Variants in RNF213 observed in about 807,000 individuals in gnomAD.
RNF213 encodes ring finger protein 213.
In RNF213, 341 loss-of-function variants were observed where a neutral mutation model predicts 514.4. That is an observed-to-expected ratio of 0.66 (90% CI 0.61 to 0.73). The LOEUF (loss-of-function observed/expected upper bound fraction) is 0.73, where lower values mean the gene tolerates loss of function less well. Among genes scored for constraint, RNF213 ranks in the 30% least tolerant of loss-of-function variants. The pLI is 0.00. For missense variants in RNF213, 5,767 were observed against 6,615.6 expected (o/e 0.87, Z 4.45); for synonymous variants, 2,655 against 2,658.2 (o/e 1.00, Z 0.04).
chr17:80,383,555 G>A lies in RNF213; in HGVS notation c.14071-122G>A, dbSNP rs2080108340. The A allele has an allele frequency of 7.2e-6, 7 of 969,780 alleles. No homozygotes were observed. In the Admixed American group the frequency reaches 1.2e-4, roughly 17 times the overall value. 60.1% of individuals were successfully genotyped at this position (969,780 alleles called of 1,614,324 possible). ...GATCAAAGGGAATACCTGATTACAT[G>A]CTCAGAGCAGGGGACAAACGCCCTA... On this transcript the variant is annotated intron_variant, in intron 58 of 67. Transcript: ENST00000582970.
In RNF213 at chr17:80,345,219, G is replaced by T. The variant is rs754162143; in HGVS notation, c.6884G>T (p.Arg2295Leu). 6.2e-7 allele frequency: 1 copy of T among 1,614,072 alleles called. No individual in the cohort carries two copies. Among genetic ancestry groups the T allele is most frequent in the East Asian group, 2.2e-5 (1 of 44,878 alleles). The change falls in exon 29 of 68, where the codon CGG becomes CTG. Residue 2295 changes from arginine to leucine, a missense_variant. By Grantham distance (102) the Arg-to-Leu change is moderately radical (BLOSUM62 -2). Transcript: ENST00000582970. This position sits in a 1 kb window ranked among gnomAD's most constrained non-coding sequence, Gnocchi z 6.0. ...GAAGATCTAGCGCCCTTCTCCCTCC[G>T]GAAGAGGTGGGAGTCGGAGCCTCAC... ...REEDLAPFSL[R>L]KRWESEPHPY...
Position 80,393,398 on chromosome 17 carries a change from C to G in RNF213, c.15524C>G (p.Pro5175Arg), listed in dbSNP as rs1176831771. Residue 5175 changes from proline to arginine, a missense_variant, in exon 68 of 68, where the codon CCT (proline) becomes CGT (arginine). Transcript: ENST00000582970. ...YMQTKESEIL[P>R]EMASQFPEEI... is the part of the protein sequence containing the mutation. ...CAAACTAAAGAAAGTGAAATTCTTC[C>G]TGAAATGGCATCTCAGTTCCCAGAA... The G allele has an allele frequency of 1.2e-6, 2 of 1,614,192 alleles. No individual in the cohort carries two copies. The highest frequency in any genetic ancestry group is 1.7e-6 in the Non-Finnish European group (2 of 1,180,010).
At chr17:80,272,550 G>A (rs893697692) in intron 2 of RNF213, among the ~76,000 whole-genome samples, 6 of 152,112 alleles carry the variant, frequency 3.9e-5, no homozygotes, top group East Asian at 3.9e-4. Flanking sequence ...ACCCATGACC[G>A]CAAACGGCAC....
Position 80,313,028 on chromosome 17 carries a change from G to A in RNF213, c.2672G>A (p.Arg891Lys). ...TGACAACAGGATTCTGCAGGACAGA[G>A]AGATGAAACTGGAAATAATTCAGTC... The part of the protein sequence containing the change: ...LLSLVDSAGQ[R>K]DETGNNSVQT... The change falls in exon 15 of 68, where the codon AGA becomes AAA. Residue 891 changes from arginine to lysine, a missense_variant. Transcript: ENST00000582970. The A allele has an allele frequency of 1.2e-6, 2 of 1,613,982 alleles. No individual in the cohort carries two copies. Among genetic ancestry groups the A allele is most frequent in the Non-Finnish European group, 1.7e-6 (2 of 1,180,034 alleles).
chr17:80,363,904 G>A (rs181158605), intron 41 of RNF213, 114 bp downstream of exon 41: 20 of 1,037,812 alleles, frequency 1.9e-5, no homozygotes, highest in Non-Finnish European at 2.6e-5. Context: ...CATGGGAGGG[G>A]CTCCGTCCTC....
At chr17:80,386,206 A>T in intron 61 of RNF213, 44 bp from the exon 62 acceptor site, 1 of 1,579,326 alleles carries the variant, frequency 6.3e-7, no homozygotes, top group Non-Finnish European at 8.6e-7. Flanking sequence ...TTCTGTGAGG[A>T]GTTGGAACTC....
At chr17:80,295,188 T>G (rs2044889548) in intron 9 of RNF213, among the ~76,000 whole-genome samples, 185 bp downstream of exon 9, 1 of 152,204 alleles carries the variant, frequency 6.6e-6, no homozygotes, top group South Asian at 2.1e-4. Flanking sequence ...CTCCTTTTAC[T>G]GGTTGTAATC....
At chr17:80,376,163 A>G in intron 51 of RNF213, 138 bp from the exon 52 acceptor site, 2 of 996,350 alleles carry the variant, frequency 2.0e-6, no homozygotes, top group Non-Finnish European at 3.1e-6. Flanking sequence ...TCTTCTCTGA[A>G]AAATTTCCCC....
At position 80,345,654 on chromosome 17, in the gene RNF213, G is replaced by A. The variant is rs761027115; in HGVS notation, c.7319G>A (p.Gly2440Asp). Residue 2440 changes from glycine (G) to aspartate (D), a missense_variant, in exon 29 of 68, where the codon GGT becomes GAT. Physicochemically the swap from Gly to Asp is moderately conservative, Grantham distance 94. This residue lies in a region of RNF213 where 1,377 missense variants were observed against 1,635.2 expected (regional missense o/e 0.84). Coordinates refer to ENST00000582970, the MANE Select transcript of RNF213 (RefSeq NM_001256071.3). This position sits in a 1 kb window ranked among gnomAD's most constrained non-coding sequence, Gnocchi z 6.0. ...IKFLSDLRRGGTNADTIKLVK... is the reference protein window; with the variant it reads ...IKFLSDLRRGDTNADTIKLVK... ...TTCCTTAGCGACCTGCGGCGTGGTG[G>A]TACCAATGCTGACACCATAAAGCTG... The A allele has an allele frequency of 2.7e-5, 43 of 1,614,232 alleles. No homozygotes were observed. The East Asian group carries it at 8.7e-4, about 33-fold the overall frequency.
chr17:80,363,491 A>G (rs1382610425), intron 40 of RNF213, 118 bp from the exon 41 acceptor site: 5 of 1,292,868 alleles, frequency 3.9e-6, no homozygotes, highest in Non-Finnish European at 4.4e-6. Context: ...CATCCTAGAC[A>G]ATGAAAGTTT....
chr17:80,306,590 C>T (rs1224663628), intron 12 of RNF213, 122 bp downstream of exon 12: 5 of 991,012 alleles, frequency 5.0e-6, no homozygotes, highest in Admixed American at 2.0e-5. Context: ...CGGTGGCTCA[C>T]GCCTGAATCC....
chr17:80,397,101 A>C lies in RNF213; in HGVS notation c.*3603A>C, dbSNP rs1289741419. 6.6e-6 allele frequency: 1 copy of C among 152,450 alleles called. No homozygotes were observed. The highest frequency in any genetic ancestry group is 1.9e-4 in the East Asian group (1 of 5,180). 9.4% of individuals were successfully genotyped at this position (152,450 alleles called of 1,614,324 possible). The stretch of plus-strand genomic sequence containing the variant: ...GACAGCCACTTCCTCAGAACCCACG[A>C]TCTTTGCCCCATCGCCACAGGTCCA... On this transcript the variant is annotated 3_prime_UTR_variant, in exon 68 of 68. Coordinates refer to ENST00000582970, the MANE Select transcript of RNF213 (RefSeq NM_001256071.3).
rs762352884 is a variant in RNF213, at chr17:80,345,363, G to C, written c.7028G>C (p.Arg2343Thr). 6 of 1,614,024 alleles carry C rather than the reference G, an allele frequency of 3.7e-6. No homozygotes were observed. In the Admixed American group the frequency reaches 6.7e-5, roughly 18 times the overall value. Residue 2343 changes from arginine to threonine, a missense_variant, in exon 29 of 68, where the codon AGA (arginine) becomes ACA (threonine). Transcript: ENST00000582970. The surrounding 1 kb of genome is among the most constrained non-coding windows in gnomAD (Gnocchi z 6.0). Reference protein sequence around the residue: ...ISHLTGKVIKRDVMTRDLYQG... With the variant: ...ISHLTGKVIKTDVMTRDLYQG... ...CACTTGACTGGGAAGGTCATCAAGAGAGACGTCATGACCAGGGACCTGTAC... is the reference window on the plus strand; with the variant it reads ...CACTTGACTGGGAAGGTCATCAAGACAGACGTCATGACCAGGGACCTGTAC...
At chr17:80,331,913 A>G in intron 20 of RNF213, 93 bp from the exon 21 acceptor site, 1 of 1,415,502 alleles carries the variant, frequency 7.1e-7, no homozygotes, top group East Asian at 2.5e-5. Flanking sequence ...GAGTTCGCTC[A>G]GAGAAGTGAG....
chr17:80,392,297 C>T (rs1471797413), intron 67 of RNF213, among the ~76,000 whole-genome samples: 4 of 152,188 alleles, frequency 2.6e-5, no homozygotes, highest in Non-Finnish European at 5.9e-5. Context: ...CTGTGCTTTT[C>T]ATGTAGATAA....
At chr17:80,312,482 A>T (rs2045604916) in intron 14 of RNF213, among the ~76,000 whole-genome samples, 1 of 143,188 alleles carries the variant, frequency 7.0e-6, no homozygotes, top group Non-Finnish European at 1.5e-5. Flanking sequence ...GGGGGAGGGC[A>T]TGATGGGAGC....
In RNF213 at chr17:80,379,662, G is replaced by A; in HGVS notation, c.13588G>A (p.Ala4530Thr). The A allele has an allele frequency of 6.2e-7, 1 of 1,614,244 alleles. No homozygotes were observed. Among genetic ancestry groups the A allele is most frequent in the Non-Finnish European group, 8.5e-7 (1 of 1,180,050 alleles). Residue 4530 changes from alanine (A) to threonine (T), a missense_variant, in exon 55 of 68, where the codon GCG (alanine) becomes ACG (threonine). By Grantham distance (58) the Ala-to-Thr change is moderately conservative (BLOSUM62 0). Around this residue, in one of 13 missense-constraint regions of RNF213, gnomAD observed 1,245 missense variants for 1,339.0 expected, o/e 0.93. Coordinates refer to ENST00000582970, the MANE Select transcript of RNF213 (RefSeq NM_001256071.3). ...MEQSICIDCHAPIGGIDHKPR... is the reference protein window; with the variant it reads ...MEQSICIDCHTPIGGIDHKPR... The stretch of plus-strand genomic sequence containing the variant: ...ACAGAGCATCTGCATTGACTGCCAT[G>A]CGCCGATTGGAGGCATTGACCACAA...
In RNF213 at chr17:80,396,423, A is replaced by G. The variant is rs1221618632; in HGVS notation, c.*2925A>G. 6.6e-6 allele frequency: 1 copy of G among 152,182 alleles called. No homozygotes were observed. Among genetic ancestry groups the G allele is most frequent in the African/African-American group, 2.4e-5 (1 of 41,428 alleles). 9.4% of individuals were successfully genotyped at this position (152,182 alleles called of 1,614,324 possible). A position where few individuals can be genotyped will look rare whatever the true frequency, so the allele number is the denominator to read the frequency against. On this transcript the variant is annotated 3_prime_UTR_variant, in exon 68 of 68. Transcript: ENST00000582970. ...ATTTAGAAACAAACTTCCAGTGATA[A>G]ATATTGGGAAGAAAATGTCAGCTCA...
chr17:80,351,596 C>T (rs988370337), intron 31 of RNF213, 89 bp from the exon 32 acceptor site: 9 of 752,536 alleles, frequency 1.2e-5, no homozygotes, highest in Non-Finnish European at 2.1e-5. Flanking sequence ...CACCCTTCTG[C>T]AGCTGCACAG....
Sources: gnomAD v4.1 joint callset for allele counts (sites outside exome capture counted in the v4.1 genomes callset) on GRCh38, gnomAD v4.1.1 for gene constraint, gnomAD v4.1.1 regional missense constraint, Gnocchi (gnomAD v3.1) non-coding constraint, MANE v1.5 for transcripts, NCBI Gene and HGNC (gene_info 2026-07-23, HGNC 2026-07-21) for gene names.